Variants in LARS2 observed in about 807,000 individuals in gnomAD.
LARS2 encodes the protein leucyl-tRNA synthetase 2, mitochondrial.
A neutral mutation model predicts 116.6 loss-of-function variants in LARS2; 81 were observed. That is an observed-to-expected ratio of 0.69 (90% CI 0.58 to 0.84). The LOEUF is 0.84. Ranked by LOEUF, LARS2 falls within the 40% of genes least tolerant of loss-of-function variation. The pLI is 0.00. For synonymous variants in LARS2, 396 were observed against 407.2 expected (o/e 0.97, Z 0.33); for missense variants, 968 against 1,114.5 (o/e 0.87, Z 1.87).
At chr3:45,412,386 C>T (rs1294083859) in intron 4 of LARS2, among the ~76,000 whole-genome samples, 1 of 151,656 alleles carries the variant, frequency 6.6e-6, no homozygotes, top group Non-Finnish European at 1.5e-5. Context: ...TATATGTGTA[C>T]ATATGTTTGT....
At chr3:45,451,475 T>G (rs1220189130) in intron 7 of LARS2, among the ~76,000 whole-genome samples, 1 of 152,180 alleles carries the variant, frequency 6.6e-6, no homozygotes, top group African/African-American at 2.4e-5. Context: ...TTCCCCAATG[T>G]ATGTTTTTAG....
intron 8 of LARS2, among the ~76,000 whole-genome samples, chr3:45,471,881 A>G (rs1328098680): frequency 6.6e-6 from 1 of 152,248 alleles, no homozygotes; most frequent in Non-Finnish European, 1.5e-5. Flanking sequence ...GTTTATTAAC[A>G]TATTAGTATA....
intron 6 of LARS2, among the ~76,000 whole-genome samples, chr3:45,439,910 C>T (rs1292812575): frequency 1.3e-5 from 2 of 152,142 alleles, no homozygotes; most frequent in African/African-American, 2.4e-5. Context: ...GAGATATATT[C>T]GGGAGGAACT....
At chr3:45,465,128 G>A (rs188113837) in intron 8 of LARS2, among the ~76,000 whole-genome samples, 1 of 152,276 alleles carries the variant, frequency 6.6e-6, no homozygotes, top group South Asian at 2.1e-4. Context: ...TGCTGGGGCT[G>A]TCTCTTCTCT....
intron 4 of LARS2, among the ~76,000 whole-genome samples, chr3:45,411,721 G>A (rs886863016): frequency 1.3e-5 from 2 of 151,638 alleles, no homozygotes; most frequent in African/African-American, 4.8e-5. Flanking sequence ...TTTATTTTAG[G>A]TTCAGGAGTA....
At chr3:45,463,053 GT>G (rs1699360009) in intron 8 of LARS2, among the ~76,000 whole-genome samples, 1 of 152,324 alleles carries the variant, frequency 6.6e-6, no homozygotes, top group Non-Finnish European at 1.5e-5. Context: ...TGTGTGGGCG[GT>G]GTCTTGTGGG....
chr3:45,492,145 C>T (rs904883043), intron 13 of LARS2, among the ~76,000 whole-genome samples: 1 of 152,188 alleles, frequency 6.6e-6, no homozygotes, highest in Non-Finnish European at 1.5e-5. Flanking sequence ...CAAAGAGCCA[C>T]GTGGAGAGGG....
intron 20 of LARS2, among the ~76,000 whole-genome samples, chr3:45,527,335 T>A (rs965848343): frequency 5.9e-5 from 9 of 152,168 alleles, no homozygotes; most frequent in African/African-American, 2.2e-4. Flanking sequence ...TCTTAAGAAA[T>A]CTTATCTTGC....
At chr3:45,458,571 T>A (rs1374583361) in intron 7 of LARS2, among the ~76,000 whole-genome samples, 172 bp from the exon 8 acceptor site, 1 of 151,972 alleles carries the variant, frequency 6.6e-6, no homozygotes, top group Non-Finnish European at 1.5e-5. Context: ...GCACCTGTAA[T>A]CCCAGCTACT....
At chr3:45,401,727 G>A (rs901765118) in intron 4 of LARS2, among the ~76,000 whole-genome samples, 1 of 151,950 alleles carries the variant, frequency 6.6e-6, no homozygotes, top group Non-Finnish European at 1.5e-5. Context: ...CTCAACTTCC[G>A]ACTCTGTCTC....
intron 6 of LARS2, among the ~76,000 whole-genome samples, chr3:45,422,888 CT>C (rs1254549666): frequency 6.6e-6 from 1 of 152,096 alleles, no homozygotes; most frequent in East Asian, 1.9e-4. Context: ...TGGGGGAAAC[CT>C]TTGGGGCAAT....
chr3:45,477,794 G>T (rs1329717137), intron 10 of LARS2, among the ~76,000 whole-genome samples: 1 of 152,220 alleles, frequency 6.6e-6, no homozygotes, highest in Non-Finnish European at 1.5e-5. Flanking sequence ...TTTGGATGAT[G>T]ATATTAAGTT....
chr3:45,398,660 T>C (rs1406701271), intron 3 of LARS2, among the ~76,000 whole-genome samples: 1 of 152,222 alleles, frequency 6.6e-6, no homozygotes, highest in African/African-American at 2.4e-5. Context: ...TAAACTTGGG[T>C]GTGGGGAACC....
chr3:45,416,116 AACTTCAGT>A (rs997502886), intron 4 of LARS2, among the ~76,000 whole-genome samples: 32 of 151,370 alleles, frequency 2.1e-4, no homozygotes, highest in African/African-American at 6.5e-4. Context: ...GAAAGGGATG[AACTTCAGT>A]ACTTCAGTAC....
Position 45,522,902 on chromosome 3 carries a change from A to T in LARS2, c.2293-1095A>T, listed in dbSNP as rs74967078. Among the ~76,000 whole-genome samples the T allele has an allele frequency of 8.9e-5, 13 of 146,668 alleles. 1 individual carries two copies. The East Asian group carries it at 1.4e-3, about 16-fold the overall frequency. On this transcript the variant is annotated intron_variant, in intron 19 of 21. Transcript: ENST00000645846. ...TACCCCATCTCTATTTAAAAAAAAA[A>T]TTAATTTTTAAAATTAAAAAAAAGG...
rs1700503731 is a variant in LARS2, at chr3:45,524,366, C to T, written c.2404+258C>T. Among the ~76,000 whole-genome samples, 3 of 152,092 alleles carry T rather than the reference C, an allele frequency of 2.0e-5. No homozygotes were observed. The South Asian group carries it at 6.2e-4, about 32-fold the overall frequency. On this transcript the variant is annotated intron_variant, in intron 20 of 21. Coordinates refer to ENST00000645846, the MANE Select transcript of LARS2 (RefSeq NM_015340.4). ...GGGTGTTGATGTTACCATCTTAATC[C>T]CTTCTCGTGACTCAGCCCCCCAGTA... is the stretch of plus-strand genomic sequence containing the variant.
rs569671230 is a variant in LARS2, at chr3:45,499,638, AT to A, written c.1623-803del. 1.3e-3 allele frequency among the ~76,000 whole-genome samples: 196 copies of A among 152,064 alleles called. 1 individual carries two copies. The highest frequency in any genetic ancestry group is 4.3e-3 in the African/African-American group (178 of 41,360). On this transcript the variant is annotated intron_variant, in intron 14 of 21. Coordinates refer to ENST00000645846, the MANE Select transcript of LARS2 (RefSeq NM_015340.4). ...CCCAAACTTTAATAAAGAAAAAAAA[AT>A]GTTTTTTAATGTGAAAATAAATTAA...
rs914409409 is a variant in LARS2, at chr3:45,503,535, C to T, written c.1760+2956C>T. Among the ~76,000 whole-genome samples the T allele has an allele frequency of 3.3e-5, 5 of 152,086 alleles. No individual in the cohort carries two copies. In the East Asian group the frequency reaches 9.6e-4, roughly 29 times the overall value. The stretch of plus-strand genomic sequence containing the variant: ...AGCTGGCTTCAGTAACTGTGTTTTC[C>T]TAAGTTGGGTTTGGTTTGGTTTTGC... On this transcript the variant is annotated intron_variant, in intron 15 of 21. Transcript: ENST00000645846.
In LARS2 at chr3:45,499,124, G is replaced by A. The variant is rs116421379; in HGVS notation, c.1623-1318G>A. On this transcript the variant is annotated intron_variant, in intron 14 of 21. Coordinates refer to ENST00000645846, the MANE Select transcript of LARS2 (RefSeq NM_015340.4). ...GCTGGACTGAACGTAGCAAGACCTC[G>A]TCTCCATAAAAAATGTTTTAAAAAA... 5.0e-3 allele frequency among the ~76,000 whole-genome samples: 767 copies of A among 152,018 alleles called. 3 individuals are homozygous for A. The highest frequency in any genetic ancestry group is 9.4e-3 in the Non-Finnish European group (640 of 67,964).
Sources: allele counts gnomAD v4.1 joint callset (sites outside exome capture counted in the v4.1 genomes callset), GRCh38; gene constraint gnomAD v4.1.1; transcripts MANE v1.5; gene names NCBI Gene and HGNC (gene_info 2026-07-23, HGNC 2026-07-21).